MEG3: variants seen among roughly 807,000 people sequenced by gnomAD.
MEG3 encodes Very putative protein from MEG3 locus.
At chr14:100,852,961 G>C (rs1396438935), upstream of MEG3, 7 of 154,632 alleles carry the variant, frequency 4.5e-5, no homozygotes, top group East Asian at 3.9e-4. Context: ...AGGCCATGAG[G>C]GGGGATCAGG....
chr14:100,836,156 C>A (rs1371639802), intron 1 of MEG3: 2 of 448,204 alleles, frequency 4.5e-6, no homozygotes, highest in Non-Finnish European at 8.9e-6. Flanking sequence ...AACTCTCTGC[C>A]CTTCCCCAAG....
chr14:100,833,024 T>C (rs1158836776), downstream of MEG3: 2 of 152,216 alleles, frequency 1.3e-5, no homozygotes, highest in African/African-American at 4.8e-5. Context: ...AAGTACTAAC[T>C]CCTGGGCATA....
At chr14:100,847,443 T>C (rs979629078) in intron 3 of MEG3, 1 of 152,012 alleles carries the variant, frequency 6.6e-6, no homozygotes, top group African/African-American at 2.4e-5. Context: ...AAAGGTAATA[T>C]TGGTAAATAA....
chr14:100,836,165 A>G (rs1361495050), intron 1 of MEG3: 1 of 450,388 alleles, frequency 2.2e-6, no homozygotes, highest in African/African-American at 2.0e-5. Flanking sequence ...CCCTTCCCCA[A>G]GGCACGTGGG....
intron 1 of MEG3, among the ~76,000 whole-genome samples, chr14:100,827,792 C>T (rs1380917434): frequency 3.9e-5 from 6 of 152,220 alleles, no homozygotes. Flanking sequence ...GTTCCGAGAC[C>T]ACCCACATGC....
In MEG3 at chr14:100,844,096, C is replaced by T. The variant is rs1049711666; in HGVS notation, n.3046-1362C>T. Among the ~76,000 whole-genome samples, 6 of 152,196 alleles carry T rather than the reference C, an allele frequency of 3.9e-5. No individual in the cohort carries two copies. In the East Asian group the frequency reaches 7.7e-4, roughly 20 times the overall value. On this transcript the variant is annotated intron_variant and non_coding_transcript_variant, in intron 2 of 3. Coordinates refer to the MEG3 transcript ENST00000398461. The stretch of plus-strand genomic sequence containing the variant: ...ATCCACCTGCCTCAGCCTCCCAAAG[C>T]GCTGGGATGACAGGCATGAGCCACC...
chr14:100,852,649 G>C (rs1035115305), upstream of MEG3: 1 of 298,176 alleles, frequency 3.4e-6, no homozygotes, highest in Non-Finnish European at 6.8e-6. Flanking sequence ...GAAGAAGACC[G>C]GGAGGGTCTT....
At chr14:100,835,035 C>A in exon 1 of MEG3, 1 of 348,848 alleles carries the variant, frequency 2.9e-6, no homozygotes, top group Non-Finnish European at 5.7e-6. Flanking sequence ...TCTGTGTCCC[C>A]AGGAGGGCGG....
At chr14:100,860,456 G>A in intron 1 of MEG3, 1 of 358,520 alleles carries the variant, frequency 2.8e-6, no homozygotes, top group East Asian at 7.5e-5. Context: ...AGAAGTTTCT[G>A]CAAGTGGGCC....
chr14:100,832,357 C>G (rs1264857990), downstream of MEG3: 1 of 152,148 alleles, frequency 6.6e-6, no homozygotes. Flanking sequence ...CCTGCCCCCT[C>G]CCTACCGCCC....
intron 1 of MEG3, among the ~76,000 whole-genome samples, chr14:100,827,738 C>A (rs183098601): frequency 2.0e-5 from 3 of 152,210 alleles, no homozygotes; most frequent in African/African-American, 7.2e-5. Flanking sequence ...GCGTGGTGGC[C>A]CCCTTTGCGT....
chr14:100,827,485 G>A (rs1261017916), intron 1 of MEG3: 1 of 152,308 alleles, frequency 6.6e-6, no homozygotes, highest in Non-Finnish European at 1.5e-5. Context: ...GGCCGGGGTC[G>A]GCCTTTGCGC....
chr14:100,828,138 C>T (rs2037297579), intron 1 of MEG3, among the ~76,000 whole-genome samples: 1 of 152,024 alleles, frequency 6.6e-6, no homozygotes, highest in African/African-American at 2.4e-5. Context: ...AGCCTGAGAC[C>T]TGTTGGGCAC....
intron 2 of MEG3, chr14:100,828,877 C>T: frequency 6.6e-6 from 1 of 152,192 alleles, no homozygotes; most frequent in Non-Finnish European, 1.5e-5. Context: ...CTCCCAACCC[C>T]ACCACCATCC....
chr14:100,857,619 T>C (rs2038280578), exon 1 of MEG3: 1 of 152,084 alleles, frequency 6.6e-6, no homozygotes, highest in Admixed American at 6.5e-5. Context: ...TTTGTTTGAT[T>C]GATGAGTGAT....
At chr14:100,855,421 C>T (rs11160609), upstream of MEG3, 36,247 of 152,244 alleles carry the variant, frequency 0.24, 4,419 homozygotes, top group African/African-American at 0.29. Context: ...CCACTGTCAC[C>T]CATAGCTTCT....
chr14:100,859,414 G>C (rs1026736120), exon 1 of MEG3: 2 of 152,156 alleles, frequency 1.3e-5, no homozygotes, highest in African/African-American at 4.8e-5. Flanking sequence ...ACATGTCTTT[G>C]TTGGTGTTGT....
At chr14:100,860,644 CGA>C (rs1286927589) in intron 1 of MEG3, 1 of 456,424 alleles carries the variant, frequency 2.2e-6, no homozygotes, top group Non-Finnish European at 4.4e-6. Context: ...TGTCGGCCAG[CGA>C]GGCCGGGAGC....
chr14:100,830,559 C>CTG (rs1337978998), downstream of MEG3: 2 of 152,140 alleles, frequency 1.3e-5, no homozygotes, highest in African/African-American at 4.8e-5. Flanking sequence ...TCAGTAGGTG[C>CTG]TGTGTGTGTT....
Sources: allele counts gnomAD v4.1 joint callset (sites outside exome capture counted in the v4.1 genomes callset), GRCh38; gene constraint gnomAD v4.1.1; transcripts MANE v1.5; gene names NCBI Gene and HGNC (gene_info 2026-07-23, HGNC 2026-07-21).